The following STIM1 variants were observed in gnomAD, a reference collection of about 807,000 sequenced individuals.
STIM1 encodes stromal interaction molecule 1.
Under a neutral mutation model 74.7 loss-of-function variants are expected in STIM1, and 25 were observed. That is an observed-to-expected ratio of 0.33 (90% CI 0.24 to 0.47). STIM1 has a LOEUF of 0.47. Ranked by LOEUF, STIM1 falls within the 20% of genes least tolerant of loss-of-function variation. The pLI is 1.00. For synonymous variants in STIM1, 328 were observed against 348.8 expected, an observed-to-expected ratio of 0.94 and a Z score of 0.66; for missense variants, 728 against 920.8, an observed-to-expected ratio of 0.79 and a Z score of 2.71.
At chr11:3,866,526 C>T (rs983800786) in intron 1 of STIM1, among the ~76,000 whole-genome samples, 1 of 151,622 alleles carries the variant, frequency 6.6e-6, no homozygotes, top group African/African-American at 2.4e-5. Flanking sequence ...TCCTGGGTTC[C>T]GGTGATTCTC....
At chr11:3,967,992 C>T (rs1446844406) in intron 2 of STIM1, among the ~76,000 whole-genome samples, 3 of 152,180 alleles carry the variant, frequency 2.0e-5, no homozygotes, top group African/African-American at 4.8e-5. Flanking sequence ...CTATGGTTTC[C>T]TTGCATCCTT....
intron 12 of STIM1, among the ~76,000 whole-genome samples, chr11:4,087,213 T>G (rs1393711076): frequency 6.6e-6 from 1 of 152,322 alleles, no homozygotes; most frequent in East Asian, 1.9e-4. Flanking sequence ...CAGGCTCTGC[T>G]GGGCATAGGG....
At chr11:4,051,256 C>G (rs1311041957) in intron 3 of STIM1, among the ~76,000 whole-genome samples, 1 of 151,956 alleles carries the variant, frequency 6.6e-6, no homozygotes, top group African/African-American at 2.4e-5. Flanking sequence ...TCTTATATAT[C>G]TAGATGATAC....
intron 2 of STIM1, among the ~76,000 whole-genome samples, chr11:4,019,561 G>A (rs1380763928): frequency 1.3e-5 from 2 of 151,892 alleles, no homozygotes; most frequent in Non-Finnish European, 2.9e-5. Flanking sequence ...CATAGTCCAA[G>A]TTACTTGGGA....
chr11:4,081,135 T>C (rs757745161), intron 7 of STIM1, among the ~76,000 whole-genome samples: 37 of 152,348 alleles, frequency 2.4e-4, no homozygotes, highest in Non-Finnish European at 5.0e-4. Context: ...AGGCTTGCTA[T>C]GGGATGTTTA....
chr11:4,080,581 C>T (rs766471700), intron 7 of STIM1, among the ~76,000 whole-genome samples: 7 of 152,006 alleles, frequency 4.6e-5, no homozygotes, highest in Non-Finnish European at 1.0e-4. Context: ...ATCCTCCCAC[C>T]TCAGCCTCCT....
Position 4,086,550 on chromosome 11 carries a change from A to G in STIM1, c.1634+7A>G, listed in dbSNP as rs371193534. 8.6e-5 allele frequency: 138 copies of G among 1,613,958 alleles called. No individual in the cohort carries two copies. The highest frequency in any genetic ancestry group is 1.1e-4 in the Non-Finnish European group (130 of 1,180,004). On this transcript the variant is annotated splice_region_variant and intron_variant, in intron 12 of 12. Transcript: ENST00000526596. Reference sequence around the variant, plus strand: ...ATGGCCTGGGATCTCAGAGGTTGGTAGAGGGCGAGGCTGGCCACTTCTTGA... The same window carrying G: ...ATGGCCTGGGATCTCAGAGGTTGGTGGAGGGCGAGGCTGGCCACTTCTTGA...
chr11:4,029,267 G>C (rs1464911106), intron 3 of STIM1, among the ~76,000 whole-genome samples: 1 of 151,966 alleles, frequency 6.6e-6, no homozygotes, highest in African/African-American at 2.4e-5. Flanking sequence ...TTCTGTCTGT[G>C]CTACTCTTTG....
intron 3 of STIM1, among the ~76,000 whole-genome samples, chr11:4,040,166 G>A (rs2094137531): frequency 6.6e-6 from 1 of 152,192 alleles, no homozygotes; most frequent in African/African-American, 2.4e-5. Context: ...CTAGAAGGTA[G>A]TGTTTTTCTC....
At chr11:4,080,259 G>A (rs1351593370) in intron 7 of STIM1, among the ~76,000 whole-genome samples, 1 of 151,844 alleles carries the variant, frequency 6.6e-6, no homozygotes, top group East Asian at 1.9e-4. Flanking sequence ...ATAAAACAAA[G>A]TAAAAAAGTT....
At chr11:3,979,277 A>G (rs1184162751) in intron 2 of STIM1, among the ~76,000 whole-genome samples, 1 of 152,026 alleles carries the variant, frequency 6.6e-6, no homozygotes, top group Non-Finnish European at 1.5e-5. Flanking sequence ...TTCTGCCTCT[A>G]GTTTCTCCCG....
At chr11:3,904,883 G>T (rs1448153514) in intron 1 of STIM1, among the ~76,000 whole-genome samples, 1 of 152,116 alleles carries the variant, frequency 6.6e-6, no homozygotes, top group Non-Finnish European at 1.5e-5. Flanking sequence ...CCTGAGAGAG[G>T]TAGGAATAGA....
At chr11:3,955,540 A>G (rs11827795) in intron 1 of STIM1, among the ~76,000 whole-genome samples, 6,397 of 152,234 alleles carry the variant, frequency 0.042, 420 homozygotes, top group African/African-American at 0.14. Context: ...AATGTTCTAT[A>G]TTTTTTATTT....
rs142148458 is a variant in STIM1, at chr11:4,092,151, T to C, written c.*353T>C. 7.7e-4 allele frequency: 279 copies of C among 363,644 alleles called. 3 individuals carry two copies. The highest frequency in any genetic ancestry group is 1.3e-3 in the Non-Finnish European group (254 of 190,678). 22.5% of individuals were successfully genotyped at this position (363,644 alleles called of 1,614,324 possible). On this transcript the variant is annotated 3_prime_UTR_variant, in exon 13 of 13. Transcript: ENST00000526596. ...GTTTTGAGGTTTGGTTTCTTGTTTC[T>C]GTCTCTTGCTTTCGGGCTCCTCCCT...
intron 3 of STIM1, among the ~76,000 whole-genome samples, chr11:4,038,023 T>G (rs1674899211): frequency 6.6e-6 from 1 of 152,062 alleles, no homozygotes; most frequent in Non-Finnish European, 1.5e-5. Context: ...ATATGTATCT[T>G]TAACTCATCA....
intron 1 of STIM1, among the ~76,000 whole-genome samples, chr11:3,858,675 C>G (rs1268812015): frequency 6.6e-6 from 1 of 152,206 alleles, no homozygotes; most frequent in Non-Finnish European, 1.5e-5. Context: ...TTTCCAGCCT[C>G]TCTGTATCCC....
rs1258151003 is a variant in STIM1, at chr11:4,086,154, C to T, written c.1568-323C>T. ...AAAAGGCTGGTTCTTAGTGCTCTCC[C>T]GGACCTTATCCCAAGCCCCTATCCT... On this transcript the variant is annotated intron_variant, in intron 11 of 12. Coordinates refer to ENST00000526596, the MANE Select transcript of STIM1 (RefSeq NM_001382567.1). 7 of 406,060 alleles carry T rather than the reference C, an allele frequency of 1.7e-5. No homozygotes were observed. The East Asian group carries it at 2.0e-4, about 12-fold the overall frequency. 25.2% of individuals were successfully genotyped at this position (406,060 alleles called of 1,614,324 possible).
rs189280633 is a variant in STIM1, at chr11:3,989,312, C to T, written c.270+21630C>T. ...GCTCCCCTTTTCCCTTTTGTTTGCA[C>T]TTGTTTGTCTGAAGATTTATCCTTT... On this transcript the variant is annotated intron_variant, in intron 2 of 12. Transcript: ENST00000526596. 1,593 of 924,228 alleles carry T rather than the reference C, an allele frequency of 1.7e-3. 8 individuals carry two copies. Among genetic ancestry groups the T allele is most frequent in the South Asian group, 2.9e-3 (223 of 77,344 alleles). The allele number at this position is 924,228 out of a possible 1,614,324, so 57.3% of individuals were successfully genotyped here.
At chr11:3,889,009 C>T (rs911805421) in intron 1 of STIM1, among the ~76,000 whole-genome samples, 3 of 151,388 alleles carry the variant, frequency 2.0e-5, no homozygotes. Flanking sequence ...GCTTGCACAC[C>T]TCTAGGGCTA....
Sources: allele counts gnomAD v4.1 joint callset (sites outside exome capture counted in the v4.1 genomes callset), GRCh38; gene constraint gnomAD v4.1.1; transcripts MANE v1.5; gene names NCBI Gene and HGNC (gene_info 2026-07-23, HGNC 2026-07-21).